Variants in TTC29 observed in about 807,000 individuals in gnomAD.
TTC29 encodes tetratricopeptide repeat protein 29.
A neutral mutation model predicts 58.1 loss-of-function variants in TTC29; 49 were observed. The observed-to-expected ratio is 0.84, with a 90% CI of 0.67 to 1.07. TTC29 has a LOEUF of 1.07. Among genes scored for constraint, TTC29 ranks in the 50% least tolerant of loss-of-function variants. The pLI, the probability that TTC29 is intolerant of heterozygous loss-of-function variation, is 0.00. For missense variants in TTC29, 582 were observed against 555.6 expected, an observed-to-expected ratio of 1.05 and a Z score of -0.48; for synonymous variants, 209 against 196.8, an observed-to-expected ratio of 1.06 and a Z score of -0.52.
chr4:146,790,752 GAAGCTGGGACTTGCTAAGC>G (rs1462997934), intron 11 of TTC29, among the ~76,000 whole-genome samples: 1 of 152,176 alleles, frequency 6.6e-6, no homozygotes, highest in East Asian at 1.9e-4. Flanking sequence ...CTTTGCATCA[GAAGCTGGGACTTGCTAAGC>G]AAGACTGTGC....
intron 10 of TTC29, among the ~76,000 whole-genome samples, chr4:146,819,834 T>A (rs1411257589): frequency 6.6e-6 from 1 of 152,200 alleles, no homozygotes; most frequent in Non-Finnish European, 1.5e-5. Flanking sequence ...TAATTGCTCC[T>A]CAAATCCTGT....
intron 6 of TTC29, among the ~76,000 whole-genome samples, chr4:146,877,639 A>G (rs1731355818): frequency 6.6e-6 from 1 of 152,142 alleles, no homozygotes; most frequent in Non-Finnish European, 1.5e-5. Flanking sequence ...TATGAAGTAT[A>G]GCACTGTAGC....
At chr4:146,746,509 A>G (rs1217295953) in intron 11 of TTC29, among the ~76,000 whole-genome samples, 2 of 152,186 alleles carry the variant, frequency 1.3e-5, no homozygotes, top group Non-Finnish European at 2.9e-5. Flanking sequence ...AATAGTCATA[A>G]TTTTCTGTTT....
In TTC29 at chr4:146,926,462, G is replaced by T. The variant is rs557031724; in HGVS notation, c.176+11132C>A. Among the ~76,000 whole-genome samples the T allele has an allele frequency of 2.7e-3, 413 of 151,192 alleles. 2 individuals are homozygous for T. Among genetic ancestry groups the T allele is most frequent in the African/African-American group, 9.5e-3 (393 of 41,274 alleles). On this transcript the variant is annotated intron_variant, in intron 4 of 12. Coordinates refer to ENST00000325106, the MANE Select transcript of TTC29 (RefSeq NM_031956.4). The stretch of plus-strand genomic sequence containing the variant: ...AATCTGACAGCTGTGTAATACAAAG[G>T]TTTTTTTTTGTTTTTTGTTTTTTGT...
intron 11 of TTC29, among the ~76,000 whole-genome samples, chr4:146,783,348 T>TC (rs1173291702): frequency 1.3e-5 from 2 of 151,918 alleles, no homozygotes; most frequent in African/African-American, 4.8e-5. Flanking sequence ...TCATTTTTTT[T>TC]TTTTATGAAT....
intron 11 of TTC29, among the ~76,000 whole-genome samples, chr4:146,728,601 T>C (rs888132640): frequency 6.6e-6 from 1 of 150,464 alleles, no homozygotes; most frequent in Non-Finnish European, 1.5e-5. Flanking sequence ...GGGGCCAATT[T>C]ATTTATTTAT....
At chr4:146,782,149 G>A (rs527356292) in intron 11 of TTC29, among the ~76,000 whole-genome samples, 1 of 151,760 alleles carries the variant, frequency 6.6e-6, no homozygotes, top group East Asian at 1.9e-4. Flanking sequence ...ATCGATTTCT[G>A]GCATTCTGAT....
chr4:146,840,168 CT>C (rs369143176), intron 8 of TTC29, among the ~76,000 whole-genome samples: 2,074 of 137,638 alleles, frequency 0.015, 24 homozygotes, highest in African/African-American at 0.041. Flanking sequence ...TGGTTTTTAT[CT>C]TTTTTTTTTT....
intron 11 of TTC29, among the ~76,000 whole-genome samples, chr4:146,764,938 G>A (rs1303661358): frequency 6.6e-6 from 1 of 152,040 alleles, no homozygotes; most frequent in Non-Finnish European, 1.5e-5. Context: ...ATGATCATCA[G>A]TTTGCTGATT....
intron 6 of TTC29, among the ~76,000 whole-genome samples, chr4:146,899,415 A>T (rs1414050307): frequency 6.6e-6 from 1 of 152,220 alleles, no homozygotes; most frequent in Non-Finnish European, 1.5e-5. Context: ...TTGCATAATA[A>T]AAACCTTACA....
chr4:146,753,994 T>G (rs1337415548), intron 11 of TTC29, among the ~76,000 whole-genome samples: 1 of 151,920 alleles, frequency 6.6e-6, no homozygotes, highest in African/African-American at 2.4e-5. Context: ...TCATGGCACA[T>G]GCATACACAT....
chr4:146,790,980 G>C (rs905745118), intron 11 of TTC29, among the ~76,000 whole-genome samples: 3 of 152,088 alleles, frequency 2.0e-5, no homozygotes, highest in Admixed American at 6.5e-5. Context: ...CCTAGAACAG[G>C]GCAGCTACTT....
At chr4:146,897,494 C>G (rs1417025746) in intron 6 of TTC29, among the ~76,000 whole-genome samples, 1 of 152,156 alleles carries the variant, frequency 6.6e-6, no homozygotes, top group Admixed American at 6.5e-5. Flanking sequence ...TGACTGCAAC[C>G]ACAGGGCCTC....
intron 6 of TTC29, among the ~76,000 whole-genome samples, chr4:146,884,217 A>G (rs1731825435): frequency 6.6e-6 from 1 of 152,130 alleles, no homozygotes; most frequent in African/African-American, 2.4e-5. Context: ...AAAGTTTCTA[A>G]CTATCAAATT....
At chr4:146,810,545 C>T (rs1021070102) in intron 10 of TTC29, among the ~76,000 whole-genome samples, 1 of 149,116 alleles carries the variant, frequency 6.7e-6, no homozygotes, top group Admixed American at 6.7e-5. Flanking sequence ...TTTTACTATT[C>T]GTAGAGTTGG....
intron 8 of TTC29, among the ~76,000 whole-genome samples, chr4:146,859,420 A>G (rs1730081212): frequency 1.3e-5 from 2 of 152,108 alleles, no homozygotes; most frequent in Non-Finnish European, 2.9e-5. Flanking sequence ...ACACTTTTCA[A>G]GAATTTCTTA....
At chr4:146,892,468 T>C (rs1358576009) in intron 6 of TTC29, among the ~76,000 whole-genome samples, 3 of 152,166 alleles carry the variant, frequency 2.0e-5, no homozygotes, top group African/African-American at 7.2e-5. Context: ...AAAAGGCCTT[T>C]GACAAAATTC....
intron 6 of TTC29, among the ~76,000 whole-genome samples, chr4:146,888,501 G>C (rs1275178300): frequency 6.6e-6 from 1 of 152,048 alleles, no homozygotes; most frequent in Non-Finnish European, 1.5e-5. Flanking sequence ...ACCTAACACT[G>C]GGTTACAACA....
chr4:146,751,739 T>C (rs1487799410), intron 11 of TTC29, among the ~76,000 whole-genome samples: 1 of 151,392 alleles, frequency 6.6e-6, no homozygotes, highest in African/African-American at 2.4e-5. Flanking sequence ...AACACTTACA[T>C]TAAAAAAGAT....
Sources: gnomAD v4.1 joint callset for allele counts (sites outside exome capture counted in the v4.1 genomes callset) on GRCh38, gnomAD v4.1.1 for gene constraint, MANE v1.5 for transcripts, NCBI Gene and HGNC (gene_info 2026-07-23, HGNC 2026-07-21) for gene names.